Variants in SPRYD7 observed in about 807,000 individuals in gnomAD.
The protein encoded by SPRYD7 is SPRY domain-containing protein 7.
A neutral mutation model predicts 23.8 loss-of-function variants in SPRYD7; 14 were observed. The observed-to-expected ratio is 0.59, with a 90% CI of 0.39 to 0.92. The LOEUF is 0.92. SPRYD7 is among the 40% of genes least tolerant of loss of function. The pLI is 0.00. For missense variants in SPRYD7, 194 were observed against 241.7 expected, an observed-to-expected ratio of 0.80 and a Z score of 1.31; for synonymous variants, 75 against 84.9, an observed-to-expected ratio of 0.88 and a Z score of 0.64.
At position 49,915,110 on chromosome 13, in the gene SPRYD7, G is replaced by A. The variant is rs774612280; in HGVS notation, c.544C>T (p.Pro182Ser). 6.4e-6 allele frequency: 10 copies of A among 1,570,920 alleles called. No homozygotes were observed. The highest frequency in any genetic ancestry group is 6.9e-6 in the Non-Finnish European group (8 of 1,156,502). ...AATATTTTTTCAAAACCAGGTGGAG[G>A]CGTATGATAAAACTCACTGAACTGG... ...DCQFSEFYHT[P>S]PPGFEKILFE... The change falls in exon 5 of 5, where the codon CCT becomes TCT. Residue 182 changes from proline (P) to serine (S), a missense_variant. By Grantham distance (74) the Pro-to-Ser change is moderately conservative (BLOSUM62 -1). Transcript: ENST00000361840.
chr13:49,924,903 G>A (rs1260952548), intron 3 of SPRYD7, among the ~76,000 whole-genome samples: 1 of 150,858 alleles, frequency 6.6e-6, no homozygotes, highest in East Asian at 2.0e-4. Context: ...TTGAACCCGG[G>A]AGGTGAAGGT....
intron 4 of SPRYD7, among the ~76,000 whole-genome samples, chr13:49,915,916 T>C (rs1226012770): frequency 1.3e-5 from 2 of 152,198 alleles, no homozygotes; most frequent in East Asian, 3.8e-4. Flanking sequence ...TTCAAATAAT[T>C]GTGCTGAGTG....
intron 2 of SPRYD7, among the ~76,000 whole-genome samples, chr13:49,930,274 AT>A (rs1229362070): frequency 6.6e-6 from 1 of 152,036 alleles, no homozygotes. Context: ...AAAACACTGA[AT>A]CAGGGTATCT....
At chr13:49,922,040 C>A (rs997672955) in intron 3 of SPRYD7, among the ~76,000 whole-genome samples, 3 of 152,104 alleles carry the variant, frequency 2.0e-5, no homozygotes, top group Admixed American at 6.6e-5. Context: ...CGTCTCTATA[C>A]ATTTTATTTC....
chr13:49,934,812 CA>C (rs1871541608), intron 1 of SPRYD7, among the ~76,000 whole-genome samples: 1 of 152,144 alleles, frequency 6.6e-6, no homozygotes, highest in Non-Finnish European at 1.5e-5. Context: ...AGAAGTGCTG[CA>C]GTTGATCATG....
At chr13:49,936,094 G>T (rs762708656) in intron 1 of SPRYD7, 36 bp downstream of exon 1, 1 of 1,312,608 alleles carries the variant, frequency 7.6e-7, no homozygotes, top group African/African-American at 1.6e-5. Context: ...CCCGGCCCCC[G>T]TGAGCCGTTG....
chr13:49,931,201 A>G (rs1385662243), intron 1 of SPRYD7, 67 bp from the exon 2 acceptor site: 4 of 1,086,546 alleles, frequency 3.7e-6, no homozygotes, highest in Non-Finnish European at 5.4e-6. Flanking sequence ...CTTTTTTGAG[A>G]CGGAGTCTTG....
At chr13:49,919,905 A>G (rs1357674666) in intron 4 of SPRYD7, among the ~76,000 whole-genome samples, 3 of 151,774 alleles carry the variant, frequency 2.0e-5, no homozygotes, top group Non-Finnish European at 2.9e-5. Context: ...AAATAACCCA[A>G]GGAGGGTAAG....
At chr13:49,929,746 G>A (rs1257803028) in intron 2 of SPRYD7, among the ~76,000 whole-genome samples, 4 of 150,882 alleles carry the variant, frequency 2.7e-5, no homozygotes, top group East Asian at 2.0e-4. Flanking sequence ...CCACCCCCTC[G>A]GCCTCCCAAA....
chr13:49,921,238 C>T (rs533012569), intron 4 of SPRYD7, among the ~76,000 whole-genome samples: 3 of 152,276 alleles, frequency 2.0e-5, no homozygotes, highest in South Asian at 4.1e-4. Flanking sequence ...TCCCCAACTT[C>T]GCTCAATCTT....
intron 2 of SPRYD7, among the ~76,000 whole-genome samples, chr13:49,930,588 A>G (rs1172859463): frequency 6.8e-6 from 1 of 147,536 alleles, no homozygotes; most frequent in African/African-American, 2.5e-5. Flanking sequence ...CTCAAAAAAG[A>G]AAAAAAAAAA....
At chr13:49,925,119 A>T (rs1566404720) in intron 3 of SPRYD7, among the ~76,000 whole-genome samples, 1 of 151,474 alleles carries the variant, frequency 6.6e-6, no homozygotes, top group African/African-American at 2.4e-5. Flanking sequence ...AGGTCTGGGC[A>T]CGGTGGCTCA....
At position 49,915,020 on chromosome 13, in the gene SPRYD7, T is replaced by C; in HGVS notation, c.*43A>G. The C allele has an allele frequency of 8.7e-7, 1 of 1,144,584 alleles. No homozygotes were observed. The highest frequency in any genetic ancestry group is 1.3e-6 in the Non-Finnish European group (1 of 793,200). The allele number at this position is 1,144,584 out of a possible 1,614,324, so 70.9% of individuals were successfully genotyped here. ...GTAAAGTTTTATTAAATGATGAACA[T>C]TTTTTAACAGTGCAGAAATACAAGT... On this transcript the variant is annotated 3_prime_UTR_variant, in exon 5 of 5. Coordinates refer to ENST00000361840, the MANE Select transcript of SPRYD7 (RefSeq NM_020456.4).
Position 49,921,479 on chromosome 13 carries a change from A to T in SPRYD7, c.492T>A (p.Tyr164Ter). Residue 164 changes from tyrosine (Y) to a stop codon, truncating the protein, a stop_gained and splice_region_variant, in exon 4 of 5, where the codon TAT (tyrosine) becomes TAA (stop). Transcript: ENST00000361840. LOFTEE classifies it high-confidence loss of function. ...GIRGTVYPVV[Y>*]VDDSAILDCQ... ...TACATTAGAAATATTTTTGCTTACCATAAACAACTGGATACACTGTCCCTC... is the reference window on the plus strand; with the variant it reads ...TACATTAGAAATATTTTTGCTTACCTTAAACAACTGGATACACTGTCCCTC... 6.2e-7 allele frequency: 1 copy of T among 1,602,754 alleles called. No homozygotes were observed. Among genetic ancestry groups the T allele is most frequent in the Non-Finnish European group, 8.5e-7 (1 of 1,169,972 alleles).
chr13:49,913,433 GA>G lies in SPRYD7; in HGVS notation c.*1629del, dbSNP rs755765282. Reference sequence around the variant, plus strand: ...AGACTCTGTCTCAAAAAAAAAACGAGAAAAAAAAAAAAAGAAAGAAAACCAC... The same window carrying G: ...AGACTCTGTCTCAAAAAAAAAACGAGAAAAAAAAAAAAGAAAGAAAACCAC... On this transcript the variant is annotated 3_prime_UTR_variant, in exon 5 of 5. Transcript: ENST00000361840. 8.2e-3 allele frequency: 946 copies of G among 114,778 alleles called. 3 individuals carry two copies. The highest frequency in any genetic ancestry group is 0.011 in the Non-Finnish European group (581 of 53,580). The allele number at this position is 114,778 out of a possible 1,614,324, so 7.1% of individuals were successfully genotyped here.
chr13:49,924,044 G>A (rs1253285752), intron 3 of SPRYD7, among the ~76,000 whole-genome samples: 2 of 150,276 alleles, frequency 1.3e-5, no homozygotes, highest in African/African-American at 4.9e-5. Context: ...GTGCAATGGC[G>A]CAATCTCGGC....
At chr13:49,918,327 G>A (rs1955774959) in intron 4 of SPRYD7, among the ~76,000 whole-genome samples, 2 of 152,046 alleles carry the variant, frequency 1.3e-5, no homozygotes, top group South Asian at 4.1e-4. Context: ...CTCCCAAAGT[G>A]CTGGGATTAC....
In SPRYD7 at chr13:49,919,749, T is replaced by C. The variant is rs568168500; in HGVS notation, c.493+1729A>G. Among the ~76,000 whole-genome samples, 839 of 145,288 alleles carry C rather than the reference T, an allele frequency of 5.8e-3. 4 individuals carry two copies. The highest frequency in any genetic ancestry group is 0.02 in the African/African-American group (768 of 39,244). ...CTCAAAAAAAAAAAAAAAAAAAAGTTGATAGTATAAAAAATAAAGCAGAAT... is the reference window on the plus strand; with the variant it reads ...CTCAAAAAAAAAAAAAAAAAAAAGTCGATAGTATAAAAAATAAAGCAGAAT... On this transcript the variant is annotated intron_variant, in intron 4 of 4. Transcript: ENST00000361840.
intron 3 of SPRYD7, among the ~76,000 whole-genome samples, 198 bp downstream of exon 3, chr13:49,927,721 C>A (rs1955898291): frequency 6.6e-6 from 1 of 152,138 alleles, no homozygotes; most frequent in African/African-American, 2.4e-5. Flanking sequence ...CAGCCAGTGG[C>A]AGCTCTAAAA....
Sources: gnomAD v4.1 joint callset for allele counts (sites outside exome capture counted in the v4.1 genomes callset) on GRCh38, gnomAD v4.1.1 for gene constraint, MANE v1.5 for transcripts, NCBI Gene and HGNC (gene_info 2026-07-23, HGNC 2026-07-21) for gene names.